The following COMMD4 variants were observed in gnomAD, a reference collection of about 807,000 sequenced individuals.
The protein encoded by COMMD4 is COMM domain containing 4, also known as COMM domain-containing protein 4.
Under a neutral mutation model 27.5 loss-of-function variants are expected in COMMD4, and 18 were observed. The observed-to-expected ratio is 0.65, with a 90% confidence interval of 0.45 to 0.97. The LOEUF (loss-of-function observed/expected upper bound fraction) is 0.97, where lower values mean the gene tolerates loss of function less well. Among genes scored for constraint, COMMD4 ranks in the 50% least tolerant of loss-of-function variants. The pLI is 0.00. For synonymous variants in COMMD4, 108 were observed against 108.4 expected, an observed-to-expected ratio of 1.00 and a Z score of 0.02; for missense variants, 243 against 250.0, an observed-to-expected ratio of 0.97 and a Z score of 0.19.
chr15:75,338,357 C>T lies in COMMD4; in HGVS notation c.78C>T (p.Ser26=), dbSNP rs2071297559. ...LAEISTLAKM[S]SVKLRLLCSQ... is the part of the protein sequence containing the mutation. ...TGATGTAAGGACTTCCCTTCCAGTC[C>T]TCTGTGAAGTTGCGGCTGCTCTGCA... is the stretch of plus-strand genomic sequence containing the variant. The change falls in exon 3 of 8, where the codon TCC becomes TCT. Residue 26 remains serine (S), a splice_region_variant and synonymous_variant. Coordinates refer to ENST00000267935, the MANE Select transcript of COMMD4 (RefSeq NM_017828.5). 6.3e-7 allele frequency: 1 copy of T among 1,599,404 alleles called. No homozygotes were observed. Among genetic ancestry groups the T allele is most frequent in the African/African-American group, 1.3e-5 (1 of 74,712 alleles).
intron 1 of COMMD4, chr15:75,336,299 C>G (rs2071182801): frequency 1.4e-6 from 2 of 1,441,556 alleles, no homozygotes; most frequent in South Asian, 2.9e-5. Context: ...TAAGACAGAG[C>G]AGGCCGGCCG....
chr15:75,339,760 G>A lies in COMMD4; in HGVS notation c.441G>A (p.Leu147=). 1 of 1,613,868 alleles carries A rather than the reference G, an allele frequency of 6.2e-7. No homozygotes were observed. Among genetic ancestry groups the A allele is most frequent in the Non-Finnish European group, 8.5e-7 (1 of 1,179,852 alleles). ...RVDYTLSSSL[L]QSVEEPMVHL... is the part of the protein sequence containing the mutation. ...ACTACACCCTGAGCTCCAGCCTGCT[G>A]CAATCCGTGGAAGAGCCCATGGTGC... Residue 147 remains leucine, a synonymous_variant, in exon 7 of 8, where the codon CTG becomes CTA. Transcript: ENST00000267935.
chr15:75,339,571 C>G lies in COMMD4; in HGVS notation c.383-131C>G. 7 of 1,181,560 alleles carry G rather than the reference C, an allele frequency of 5.9e-6. No individual in the cohort carries two copies. In the South Asian group the frequency reaches 1.1e-4, roughly 18 times the overall value. 73.2% of individuals were successfully genotyped at this position (1,181,560 alleles called of 1,614,324 possible). On this transcript the variant is annotated intron_variant, in intron 6 of 7. Coordinates refer to ENST00000267935, the MANE Select transcript of COMMD4 (RefSeq NM_017828.5). ...ATCGGGCACCTGCCCTGTTCTGAGC[C>G]TGGGTCAGCAGGATGGGAGCTTCTT...
At chr15:75,339,664 C>G (rs1414905571) in intron 6 of COMMD4, 38 bp from the exon 7 acceptor site, 1 of 1,547,600 alleles carries the variant, frequency 6.5e-7, no homozygotes, top group African/African-American at 1.4e-5. Context: ...CTTGGCTTGC[C>G]TGCTTTGATC....
chr15:75,336,310 G>C (rs1439070970), intron 1 of COMMD4: 2 of 1,420,914 alleles, frequency 1.4e-6, no homozygotes, highest in Non-Finnish European at 9.2e-7. Flanking sequence ...AGGCCGGCCG[G>C]CTTAGAGTCC....
chr15:75,342,069 A>C (rs2071432742), downstream of COMMD4: 1 of 14,570 alleles, frequency 6.9e-5, no homozygotes, highest in Non-Finnish European at 1.9e-4. Flanking sequence ...ACCCTGTCTC[A>C]AAAAAAAAAA....
At position 75,340,198 on chromosome 15, in the gene COMMD4, A is replaced by C. The variant is rs1250370897; in HGVS notation, c.*193A>C. On this transcript the variant is annotated 3_prime_UTR_variant, in exon 8 of 8. Transcript: ENST00000267935. ...AGGGCTCCTGAGGACCTTTCCCAGCATTACCTTCCCTTCCCTTGAAAGGCA... is the reference window on the plus strand; with the variant it reads ...AGGGCTCCTGAGGACCTTTCCCAGCCTTACCTTCCCTTCCCTTGAAAGGCA... The C allele has an allele frequency of 8.3e-6, 5 of 599,200 alleles. No homozygotes were observed. Among genetic ancestry groups the C allele is most frequent in the African/African-American group, 7.4e-5 (4 of 53,952 alleles). 37.1% of individuals were successfully genotyped at this position (599,200 alleles called of 1,614,324 possible). A position where few individuals can be genotyped will look rare whatever the true frequency, so the allele number is the denominator to read the frequency against.
At position 75,339,793 on chromosome 15, in the gene COMMD4, G is replaced by T; in HGVS notation, c.474G>T (p.Arg158=). 1 of 1,614,104 alleles carries T rather than the reference G, an allele frequency of 6.2e-7. No individual in the cohort carries two copies. Among genetic ancestry groups the T allele is most frequent in the Non-Finnish European group, 8.5e-7 (1 of 1,179,986 alleles). Residue 158 remains arginine, a synonymous_variant, in exon 7 of 8, where the codon CGG becomes CGT. Transcript: ENST00000267935. ...TGGAAGAGCCCATGGTGCACCTGCGGCTGGAGGTGGCAGCTGCCCCAGGGA... is the reference window on the plus strand; with the variant it reads ...TGGAAGAGCCCATGGTGCACCTGCGTCTGGAGGTGGCAGCTGCCCCAGGGA... The part of the protein sequence containing the change: ...QSVEEPMVHL[R]LEVAAAPGTP...
chr15:75,336,597 T>C, intron 1 of COMMD4: 1 of 202,932 alleles, frequency 4.9e-6, no homozygotes, highest in Non-Finnish European at 1.0e-5. Flanking sequence ...CATCCATCCG[T>C]ACGTTCTAAG....
chr15:75,338,605 G>A, intron 3 of COMMD4, 41 bp from the exon 4 acceptor site: 1 of 1,607,926 alleles, frequency 6.2e-7, no homozygotes, highest in East Asian at 2.2e-5. Flanking sequence ...GGGCTGGTGA[G>A]CAGGGGCCTG....
At chr15:75,336,202 T>C in intron 1 of COMMD4, 110 bp downstream of exon 1, 1 of 1,548,546 alleles carries the variant, frequency 6.5e-7, no homozygotes, top group Non-Finnish European at 8.7e-7. Flanking sequence ...GCAAACACAG[T>C]GTGTGCGGGC....
chr15:75,339,222 C>T (rs1394243251), intron 5 of COMMD4, 42 bp from the exon 6 acceptor site: 2 of 1,612,114 alleles, frequency 1.2e-6, no homozygotes, highest in Admixed American at 3.3e-5. Flanking sequence ...CCAAGCCAGG[C>T]CCCGACATGC....
downstream of COMMD4, chr15:75,340,385 T>A: frequency 4.7e-6 from 1 of 210,564 alleles, no homozygotes; most frequent in South Asian, 1.1e-4. Context: ...AATTGCTGAT[T>A]GAGGGAGGTC....
In COMMD4 at chr15:75,339,699, C is replaced by T; in HGVS notation, c.383-3C>T. ...CCTGAGAGCCACCCACCCCATCTCA[C>T]AGTGAATAGGTTGGCAGGTGTGGGC... is the stretch of plus-strand genomic sequence containing the variant. On this transcript the variant is annotated splice_polypyrimidine_tract_variant and splice_region_variant and intron_variant, in intron 6 of 7. Coordinates refer to ENST00000267935, the MANE Select transcript of COMMD4 (RefSeq NM_017828.5). 1 of 1,581,570 alleles carries T rather than the reference C, an allele frequency of 6.3e-7. No individual in the cohort carries two copies. The highest frequency in any genetic ancestry group is 8.6e-7 in the Non-Finnish European group (1 of 1,163,032).
chr15:75,340,293 T>C (rs2071413482), downstream of COMMD4: 2 of 449,598 alleles, frequency 4.4e-6, no homozygotes, highest in South Asian at 8.2e-5. Context: ...GGGGTTCTGT[T>C]TGGGTTCAGA....
chr15:75,339,297 A>T lies in COMMD4; in HGVS notation c.335A>T (p.Glu112Val). Residue 112 changes from glutamate to valine, a missense_variant, in exon 6 of 8, where the codon GAG (glutamate) becomes GTG (valine). Transcript: ENST00000267935. ...GCCAGCCTGTGCCGCTGTTATGAGG[A>T]GAAGCAAAGCCCCTTGCAGAAGCAC... The part of the protein sequence containing the change: ...HAASLCRCYE[E>V]KQSPLQKHLR... The T allele has an allele frequency of 1.2e-6, 2 of 1,612,198 alleles. No homozygotes were observed. Among genetic ancestry groups the T allele is most frequent in the Non-Finnish European group, 1.7e-6 (2 of 1,180,000 alleles).
chr15:75,337,374 C>T (rs1485524653), intron 1 of COMMD4: 1 of 152,866 alleles, frequency 6.5e-6, no homozygotes, highest in Non-Finnish European at 1.5e-5. Context: ...GGACGGATCA[C>T]TTGAGGTCAG....
chr15:75,340,078 G>A lies in COMMD4; in HGVS notation c.*73G>A, dbSNP rs1290097217. ...GTCACGCCCTCTGAACTGCTCTTCG[G>A]GAGGCAGCCCTGGTTCTAGGATGCT... On this transcript the variant is annotated 3_prime_UTR_variant, in exon 8 of 8. Transcript: ENST00000267935. The A allele has an allele frequency of 6.4e-7, 1 of 1,554,080 alleles. No homozygotes were observed. Among genetic ancestry groups the A allele is most frequent in the Non-Finnish European group, 8.8e-7 (1 of 1,140,954 alleles).
At chr15:75,337,693 G>A in intron 1 of COMMD4, 1 of 260,568 alleles carries the variant, frequency 3.8e-6, no homozygotes. Context: ...AGCTGGAGTG[G>A]CTGGAGTTGT....
Sources: gnomAD v4.1 joint callset for allele counts on GRCh38, gnomAD v4.1.1 for gene constraint, MANE v1.5 for transcripts, NCBI Gene and HGNC (gene_info 2026-07-23, HGNC 2026-07-21) for gene names.